The following AJAP1 variants were observed in gnomAD, a reference collection of about 807,000 sequenced individuals.
AJAP1 encodes adherens junctions associated protein 1.
AJAP1 carries 5 observed loss-of-function variants against 35.0 expected under a neutral mutation model. That is an observed-to-expected ratio of 0.14 (90% CI 0.07 to 0.30). The LOEUF is 0.30. Among genes scored for constraint, AJAP1 ranks in the 10% least tolerant of loss-of-function variants. AJAP1 has a pLI of 1.00. For missense variants in AJAP1, 586 were observed against 571.0 expected, an observed-to-expected ratio of 1.03 and a Z score of -0.27; for synonymous variants, 284 against 249.3, an observed-to-expected ratio of 1.14 and a Z score of -1.31.
chr1:4,674,461 G>A lies in AJAP1; in HGVS notation c.29+19007G>A, dbSNP rs967896456. ...GAGTTGAGTGGTTGTGACAGAAAACGGCCTGCAAAGCCTAAAACATTTTCT... is the reference window on the plus strand; with the variant it reads ...GAGTTGAGTGGTTGTGACAGAAAACAGCCTGCAAAGCCTAAAACATTTTCT... On this transcript the variant is annotated intron_variant, in intron 1 of 5. Transcript: ENST00000378191. 2.6e-5 allele frequency among the ~76,000 whole-genome samples: 4 copies of A among 152,230 alleles called. No individual in the cohort carries two copies. In the South Asian group the frequency reaches 8.3e-4, roughly 32 times the overall value.
chr1:4,679,626 C>T (rs1639432323), intron 1 of AJAP1, among the ~76,000 whole-genome samples: 1 of 152,138 alleles, frequency 6.6e-6, no homozygotes, highest in South Asian at 2.1e-4. Flanking sequence ...AGAATCCTTC[C>T]TTGCCTCTTC....
intron 2 of AJAP1, among the ~76,000 whole-genome samples, chr1:4,749,699 C>A (rs987532201): frequency 5.9e-5 from 9 of 152,224 alleles, no homozygotes; most frequent in Admixed American, 5.9e-4. Flanking sequence ...GGGGCAGCGG[C>A]CCTGTGTACC....
At chr1:4,760,175 G>A (rs943015053) in intron 2 of AJAP1, among the ~76,000 whole-genome samples, 6 of 152,270 alleles carry the variant, frequency 3.9e-5, no homozygotes, top group African/African-American at 1.4e-4. Context: ...CCGTGTGTGA[G>A]TCTCTGTGAG....
At chr1:4,691,799 G>A (rs907574385) in intron 1 of AJAP1, among the ~76,000 whole-genome samples, 18 of 152,102 alleles carry the variant, frequency 1.2e-4, no homozygotes, top group Non-Finnish European at 2.5e-4. Context: ...GTGTGTGGGG[G>A]ACAAGCGCTC....
chr1:4,708,927 A>G (rs187222630), intron 1 of AJAP1, among the ~76,000 whole-genome samples: 375 of 152,306 alleles, frequency 2.5e-3, no homozygotes, highest in Middle Eastern at 6.8e-3. Flanking sequence ...AAAAAGGAAG[A>G]AACCAGACTT....
intron 1 of AJAP1, among the ~76,000 whole-genome samples, chr1:4,702,181 G>C (rs574578740): frequency 2.0e-5 from 3 of 151,490 alleles, no homozygotes; most frequent in African/African-American, 7.3e-5. Flanking sequence ...CAATATTCCA[G>C]CGTGTCCCCA....
At chr1:4,755,218 T>C (rs1047598844) in intron 2 of AJAP1, among the ~76,000 whole-genome samples, 1 of 152,218 alleles carries the variant, frequency 6.6e-6, no homozygotes, top group Non-Finnish European at 1.5e-5. Flanking sequence ...AAATGGCTGT[T>C]GGTGTCATAA....
At chr1:4,703,269 T>C (rs1640029042) in intron 1 of AJAP1, among the ~76,000 whole-genome samples, 1 of 152,150 alleles carries the variant, frequency 6.6e-6, no homozygotes, top group Admixed American at 6.5e-5. Context: ...AGAAAGTGGG[T>C]GTTCCCTTCC....
At chr1:4,727,851 T>G (rs1006712017) in intron 2 of AJAP1, among the ~76,000 whole-genome samples, 1 of 152,222 alleles carries the variant, frequency 6.6e-6, no homozygotes, top group Non-Finnish European at 1.5e-5. Context: ...TCAAGAGGCC[T>G]AGTGCTCGGT....
In AJAP1 at chr1:4,723,681, G is replaced by A. The variant is rs1640578939; in HGVS notation, c.829+10982G>A. Among the ~76,000 whole-genome samples, 1 of 152,216 alleles carries A rather than the reference G, an allele frequency of 6.6e-6. No homozygotes were observed. The highest frequency in any genetic ancestry group is 2.1e-4 in the South Asian group (1 of 4,832). ...GTGAGCCGCAGATGCAGTGGGTGGA[G>A]CTGAATATTTTGAGGAGCTTTGCTC... On this transcript the variant is annotated intron_variant, in intron 2 of 5. Coordinates refer to ENST00000378191, the MANE Select transcript of AJAP1 (RefSeq NM_018836.4). This position sits in a 1 kb window ranked among gnomAD's most constrained non-coding sequence, Gnocchi z 4.3.
chr1:4,666,207 G>A (rs1364727130), intron 1 of AJAP1, among the ~76,000 whole-genome samples: 2 of 150,264 alleles, frequency 1.3e-5, no homozygotes, highest in South Asian at 4.3e-4. Context: ...GCCCACCCAG[G>A]AGGGGCACCC....
intron 5 of AJAP1, among the ~76,000 whole-genome samples, chr1:4,775,353 G>C (rs549818872): frequency 6.6e-6 from 1 of 152,160 alleles, no homozygotes; most frequent in Admixed American, 6.5e-5. Flanking sequence ...GGTTCTTTTC[G>C]ACGCTGGGCT....
At position 4,655,547 on chromosome 1, in the gene AJAP1, C is replaced by A. The variant is rs909830538; in HGVS notation, c.29+93C>A. ...TTCCTCTATGTTGCAAATCAAGGGA[C>A]CCCTCTTCGCTTCCCGCAAGCGGGC... On this transcript the variant is annotated intron_variant, in intron 1 of 5. Transcript: ENST00000378191. The surrounding 1 kb of genome is among the most constrained non-coding windows in gnomAD (Gnocchi z 6.9). 4 of 1,446,914 alleles carry A rather than the reference C, an allele frequency of 2.8e-6. No individual in the cohort carries two copies. The South Asian group carries it at 3.7e-5, about 14-fold the overall frequency. The allele number at this position is 1,446,914 out of a possible 1,614,324, so 89.6% of individuals were successfully genotyped here. A position where few individuals can be genotyped will look rare whatever the true frequency, so the allele number is the denominator to read the frequency against.
At chr1:4,721,720 GAGAA>G (rs750276263) in intron 2 of AJAP1, among the ~76,000 whole-genome samples, 3 of 152,198 alleles carry the variant, frequency 2.0e-5, no homozygotes, top group Non-Finnish European at 4.4e-5. Context: ...CTAAAGGGAG[GAGAA>G]AGAAAGGCCA....
intron 1 of AJAP1, among the ~76,000 whole-genome samples, chr1:4,684,277 C>G (rs920825599): frequency 2.6e-5 from 4 of 152,196 alleles, no homozygotes; most frequent in African/African-American, 9.6e-5. Context: ...ATTCCATTGG[C>G]TCCTGGCTCA....
intron 1 of AJAP1, among the ~76,000 whole-genome samples, chr1:4,709,719 G>A (rs1217586504): frequency 3.9e-5 from 6 of 152,160 alleles, no homozygotes; most frequent in Non-Finnish European, 7.4e-5. Flanking sequence ...TCCCTGCCCC[G>A]AGCTTGGCTG....
intron 1 of AJAP1, among the ~76,000 whole-genome samples, chr1:4,683,442 G>A (rs1002431068): frequency 2.0e-5 from 3 of 152,192 alleles, no homozygotes; most frequent in Admixed American, 6.5e-5. Context: ...TCCAGGTGAC[G>A]CTGGTTCCAC....
At chr1:4,750,802 C>T (rs539111640) in intron 2 of AJAP1, among the ~76,000 whole-genome samples, 3 of 150,688 alleles carry the variant, frequency 2.0e-5, no homozygotes, top group Admixed American at 2.0e-4. Flanking sequence ...ATCTGACCTT[C>T]TGAGAAGAAG....
intron 2 of AJAP1, among the ~76,000 whole-genome samples, chr1:4,733,890 T>G (rs1265780446): frequency 6.6e-6 from 1 of 152,184 alleles, no homozygotes; most frequent in African/African-American, 2.4e-5. Context: ...TTGTTCTGAT[T>G]TCTGTGCTCA....
Sources: allele counts gnomAD v4.1 joint callset (sites outside exome capture counted in the v4.1 genomes callset), GRCh38; gene constraint gnomAD v4.1.1; non-coding constraint Gnocchi (gnomAD v3.1); transcripts MANE v1.5; gene names NCBI Gene and HGNC (gene_info 2026-07-23, HGNC 2026-07-21).